Variants in IPCEF1 observed in about 807,000 individuals in gnomAD.
IPCEF1 encodes the protein interactor protein for cytohesin exchange factors 1.
A neutral mutation model predicts 50.9 loss-of-function variants in IPCEF1; 31 were observed. That is an observed-to-expected ratio of 0.61 (90% CI 0.46 to 0.82). The LOEUF (loss-of-function observed/expected upper bound fraction) is 0.82. Ranked by LOEUF, IPCEF1 falls within the 40% of genes least tolerant of loss-of-function variation. IPCEF1 has a pLI of 0.00. For missense variants in IPCEF1, 458 were observed against 514.0 expected (o/e 0.89, Z 1.05); for synonymous variants, 181 against 192.0 (o/e 0.94, Z 0.47).
rs149475594 is a variant in IPCEF1 at position 154,338,028 on chromosome 6, A to C, written c.-62+18644T>G. Among the ~76,000 whole-genome samples the C allele has an allele frequency of 7.0e-3, 1,063 of 152,304 alleles. 14 individuals carry two copies. Among genetic ancestry groups the C allele is most frequent in the African/African-American group, 0.024 (1,009 of 41,562 alleles). On this transcript the variant is annotated intron_variant, in intron 1 of 11. Coordinates refer to ENST00000367220, the MANE Select transcript of IPCEF1 (RefSeq NM_001130700.2). ...AGTCAATGGCTAAGCTGAGGCTTGA[A>C]CTTTAGGTCCCTTATGTAAGGTTTC...
chr6:154,336,407 T>C (rs1783788154), intron 1 of IPCEF1, among the ~76,000 whole-genome samples: 1 of 152,130 alleles, frequency 6.6e-6, no homozygotes, highest in South Asian at 2.1e-4. Context: ...TTAAGTGAAA[T>C]AAGCCAGGCA....
chr6:154,242,574 A>G (rs113308143), intron 5 of IPCEF1, among the ~76,000 whole-genome samples: 2 of 152,206 alleles, frequency 1.3e-5, no homozygotes, highest in African/African-American at 2.4e-5. Flanking sequence ...TACTCAAAAA[A>G]GAGGACAAGC....
At chr6:154,337,146 G>T (rs1323669080) in intron 1 of IPCEF1, among the ~76,000 whole-genome samples, 2 of 151,890 alleles carry the variant, frequency 1.3e-5, no homozygotes, top group African/African-American at 4.8e-5. Context: ...CAAGAAAAAA[G>T]AAAAAATGTG....
intron 10 of IPCEF1, among the ~76,000 whole-genome samples, chr6:154,171,667 A>C (rs1799881413): frequency 6.6e-6 from 1 of 152,200 alleles, no homozygotes; most frequent in Non-Finnish European, 1.5e-5. Flanking sequence ...CATTTATGAG[A>C]TTGTCATGAG....
chr6:154,281,470 G>A (rs561374823), intron 2 of IPCEF1, among the ~76,000 whole-genome samples: 1 of 152,268 alleles, frequency 6.6e-6, no homozygotes, highest in Non-Finnish European at 1.5e-5. Context: ...AGGTTGCAGT[G>A]AGCCATACTG....
intron 10 of IPCEF1, among the ~76,000 whole-genome samples, chr6:154,196,511 G>C (rs577193548): frequency 6.6e-6 from 1 of 151,968 alleles, no homozygotes; most frequent in Non-Finnish European, 1.5e-5. Context: ...TTGGGTATTC[G>C]TCTTATTTGC....
intron 1 of IPCEF1, among the ~76,000 whole-genome samples, chr6:154,330,401 C>G (rs1417982679): frequency 1.5e-5 from 2 of 132,390 alleles, no homozygotes; most frequent in African/African-American, 5.6e-5. Context: ...GTGGCACAAT[C>G]ATAGCTCACT....
chr6:154,247,194 A>C (rs1212196990), intron 4 of IPCEF1: 4 of 507,772 alleles, frequency 7.9e-6, no homozygotes, highest in African/African-American at 7.6e-5. Flanking sequence ...TGCCCACCTC[A>C]ATACACAGCT....
At position 154,246,449 on chromosome 6, in the gene IPCEF1, A is replaced by C. The variant is rs1375356536; in HGVS notation, c.246+142T>G. The stretch of plus-strand genomic sequence containing the variant: ...TAACCTACATATCTACTGCACCAGA[A>C]ATGGCTTCTATAACTTATTTGTTTA... On this transcript the variant is annotated intron_variant, in intron 5 of 11. Coordinates refer to ENST00000367220, the MANE Select transcript of IPCEF1 (RefSeq NM_001130700.2). The C allele has an allele frequency of 6.4e-6, 6 of 940,096 alleles. No individual in the cohort carries two copies. In the East Asian group the frequency reaches 1.5e-4, roughly 23 times the overall value. 58.2% of individuals were successfully genotyped at this position (940,096 alleles called of 1,614,324 possible).
intron 1 of IPCEF1, among the ~76,000 whole-genome samples, chr6:154,339,488 T>A (rs557315137): frequency 3.4e-4 from 51 of 152,118 alleles, no homozygotes; most frequent in South Asian, 8.3e-4. Context: ...TTGCCCAAGC[T>A]GGCCTCAAAC....
chr6:154,261,911 G>A (rs554288496), intron 3 of IPCEF1, among the ~76,000 whole-genome samples: 174 of 152,236 alleles, frequency 1.1e-3, no homozygotes, highest in African/African-American at 3.8e-3. Context: ...TTAGTTTAGT[G>A]GAAATGAAGT....
At chr6:154,237,824 C>CTA (rs1464784126) in intron 5 of IPCEF1, among the ~76,000 whole-genome samples, 1 of 151,872 alleles carries the variant, frequency 6.6e-6, no homozygotes, top group Non-Finnish European at 1.5e-5. Flanking sequence ...ACATGCATAT[C>CTA]TATATATATG....
chr6:154,204,269 G>T (rs1777307153), intron 9 of IPCEF1, among the ~76,000 whole-genome samples: 1 of 152,088 alleles, frequency 6.6e-6, no homozygotes, highest in Non-Finnish European at 1.5e-5. Context: ...TTGACATGGT[G>T]AAAAAATAGT....
At chr6:154,182,651 G>A (rs980819020) in intron 10 of IPCEF1, among the ~76,000 whole-genome samples, 1 of 152,034 alleles carries the variant, frequency 6.6e-6, no homozygotes, top group African/African-American at 2.4e-5. Context: ...CTTAAAATAC[G>A]TTTATGAGGT....
At chr6:154,345,976 C>T (rs186561375) in intron 1 of IPCEF1, among the ~76,000 whole-genome samples, 2 of 152,282 alleles carry the variant, frequency 1.3e-5, no homozygotes, top group East Asian at 3.9e-4. Flanking sequence ...AGCAATCTTC[C>T]CGCTTCAGCC....
intron 1 of IPCEF1, among the ~76,000 whole-genome samples, chr6:154,331,329 G>A (rs958240399): frequency 1.5e-5 from 2 of 134,418 alleles, no homozygotes; most frequent in Non-Finnish European, 3.1e-5. Flanking sequence ...AGAAGAAGAA[G>A]GGAGGAAGGG....
chr6:154,307,704 C>T (rs377007184), intron 1 of IPCEF1, among the ~76,000 whole-genome samples: 11 of 152,174 alleles, frequency 7.2e-5, no homozygotes, highest in East Asian at 5.8e-4. Flanking sequence ...ATTTAGATTT[C>T]GACTTTTTCA....
chr6:154,269,941 A>AAT (rs1413095724), intron 2 of IPCEF1, among the ~76,000 whole-genome samples: 1 of 152,150 alleles, frequency 6.6e-6, no homozygotes, highest in African/African-American at 2.4e-5. Flanking sequence ...TTTTGATGAA[A>AAT]ATATATACAT....
chr6:154,274,176 C>T (rs1374522945), intron 2 of IPCEF1, among the ~76,000 whole-genome samples: 1 of 151,606 alleles, frequency 6.6e-6, no homozygotes, highest in East Asian at 1.9e-4. Flanking sequence ...TTGTCTTTTC[C>T]ACTCATTTCG....
Sources: allele counts gnomAD v4.1 joint callset (sites outside exome capture counted in the v4.1 genomes callset), GRCh38; gene constraint gnomAD v4.1.1; transcripts MANE v1.5; gene names NCBI Gene and HGNC (gene_info 2026-07-23, HGNC 2026-07-21).